CACNA2D3: variants seen among roughly 807,000 people sequenced by gnomAD.
CACNA2D3 encodes the protein calcium voltage-gated channel auxiliary subunit alpha2delta 3, also known as voltage-dependent calcium channel subunit alpha-2/delta-3.
In CACNA2D3, 60 loss-of-function variants were observed where a neutral mutation model predicts 160.6. That is an observed-to-expected ratio of 0.37 (90% confidence interval 0.30 to 0.46). The LOEUF (loss-of-function observed/expected upper bound fraction) is 0.46, where lower values mean the gene tolerates loss of function less well. Ranked by LOEUF, CACNA2D3 falls within the 20% of genes least tolerant of loss-of-function variation. The probability of loss-of-function intolerance (pLI) is 1.00; values close to 1 mark genes in which losing one functional copy is unlikely to be tolerated. For missense variants in CACNA2D3, 1,205 were observed against 1,365.0 expected (o/e 0.88, Z 1.85); for synonymous variants, 558 against 492.9 (o/e 1.13, Z -1.75).
chr3:54,336,004 C>CA (rs60465412), intron 3 of CACNA2D3, among the ~76,000 whole-genome samples: 36,553 of 74,390 alleles, frequency 0.49, 9,163 homozygotes, highest in South Asian at 0.59. Context: ...GACTCCGTCT[C>CA]AAAAAAAAAA....
intron 27 of CACNA2D3, among the ~76,000 whole-genome samples, chr3:54,909,066 C>T (rs982972490): frequency 6.6e-6 from 1 of 152,038 alleles, no homozygotes; most frequent in Non-Finnish European, 1.5e-5. Context: ...AAGTGGATGC[C>T]GAAGACAGAG....
At chr3:54,143,884 A>G (rs1699979385) in intron 2 of CACNA2D3, among the ~76,000 whole-genome samples, 1 of 152,200 alleles carries the variant, frequency 6.6e-6, no homozygotes, top group African/African-American at 2.4e-5. Flanking sequence ...TATGTACTTT[A>G]CATAAATGAG....
At chr3:54,253,413 C>T (rs147467648) in intron 2 of CACNA2D3, among the ~76,000 whole-genome samples, 2 of 152,192 alleles carry the variant, frequency 1.3e-5, no homozygotes, top group African/African-American at 4.8e-5. Flanking sequence ...GCAGGCAGGT[C>T]ACATGGCTGG....
At chr3:54,675,246 A>C (rs1435038187) in intron 11 of CACNA2D3, among the ~76,000 whole-genome samples, 1 of 152,168 alleles carries the variant, frequency 6.6e-6, no homozygotes, top group Admixed American at 6.5e-5. Flanking sequence ...AAGGACAGAC[A>C]GACTTGGACA....
chr3:55,039,488 T>C (rs1703912731), intron 35 of CACNA2D3, among the ~76,000 whole-genome samples: 1 of 152,230 alleles, frequency 6.6e-6, no homozygotes, highest in Non-Finnish European at 1.5e-5. Context: ...TGTGTACCCA[T>C]ATGCAGCTTC....
intron 2 of CACNA2D3, among the ~76,000 whole-genome samples, chr3:54,274,147 A>T (rs557072562): frequency 6.6e-6 from 1 of 152,288 alleles, no homozygotes; most frequent in African/African-American, 2.4e-5. Flanking sequence ...CTGTAAAGCA[A>T]TATTTACAAA....
At chr3:54,556,972 A>T (rs1702251247) in intron 5 of CACNA2D3, among the ~76,000 whole-genome samples, 4 of 151,530 alleles carry the variant, frequency 2.6e-5, no homozygotes. Context: ...GGAAAATCAT[A>T]TTTAACTGTT....
At chr3:54,792,282 TCTCA>T (rs1260070233) in intron 13 of CACNA2D3, among the ~76,000 whole-genome samples, 1 of 152,178 alleles carries the variant, frequency 6.6e-6, no homozygotes, top group East Asian at 1.9e-4. Context: ...CAGGGAGCCC[TCTCA>T]CTCAGTCCCT....
intron 31 of CACNA2D3, among the ~76,000 whole-genome samples, chr3:54,989,883 G>C (rs767370299): frequency 2.6e-5 from 4 of 152,292 alleles, no homozygotes; most frequent in Non-Finnish European, 5.9e-5. Flanking sequence ...TGGTGTTGGA[G>C]GACCACAGTC....
chr3:54,686,776 G>A (rs911373605), intron 11 of CACNA2D3, among the ~76,000 whole-genome samples: 5 of 152,036 alleles, frequency 3.3e-5, no homozygotes, highest in Non-Finnish European at 7.4e-5. Context: ...GGCAATTGCT[G>A]TGATTAAAAA....
chr3:54,405,966 C>T (rs1301125840), intron 4 of CACNA2D3, among the ~76,000 whole-genome samples: 4 of 152,148 alleles, frequency 2.6e-5, no homozygotes, highest in Non-Finnish European at 5.9e-5. Context: ...CATCACTAAT[C>T]ATCAGAGAAA....
At chr3:54,185,685 T>A (rs1041123930) in intron 2 of CACNA2D3, among the ~76,000 whole-genome samples, 13 of 152,222 alleles carry the variant, frequency 8.5e-5, no homozygotes, top group Admixed American at 2.0e-4. Flanking sequence ...ACTCTGCTGT[T>A]GTTGTGTGAA....
intron 2 of CACNA2D3, among the ~76,000 whole-genome samples, chr3:54,146,048 T>C (rs1700024535): frequency 6.6e-6 from 1 of 152,248 alleles, no homozygotes; most frequent in Admixed American, 6.5e-5. Flanking sequence ...CTAGAATTTC[T>C]ATTATGGTTG....
At chr3:54,476,383 C>G (rs1424639512) in intron 4 of CACNA2D3, among the ~76,000 whole-genome samples, 1 of 151,838 alleles carries the variant, frequency 6.6e-6, no homozygotes, top group Non-Finnish European at 1.5e-5. Context: ...GTGCAGCTGT[C>G]TCTTTGAGAT....
intron 2 of CACNA2D3, among the ~76,000 whole-genome samples, chr3:54,216,559 C>T (rs1043848357): frequency 6.6e-6 from 1 of 152,134 alleles, no homozygotes; most frequent in Non-Finnish European, 1.5e-5. Flanking sequence ...AGAGTAATAT[C>T]AACATTTTAA....
At chr3:54,269,459 C>G (rs1472563559) in intron 2 of CACNA2D3, among the ~76,000 whole-genome samples, 7 of 152,160 alleles carry the variant, frequency 4.6e-5, no homozygotes, top group Non-Finnish European at 1.0e-4. Context: ...TTACTGTGTA[C>G]TGCATACTAG....
intron 35 of CACNA2D3, 118 bp downstream of exon 35, chr3:55,018,435 C>T: frequency 4.6e-6 from 3 of 646,186 alleles, no homozygotes; most frequent in South Asian, 3.7e-5. Context: ...TGGCTGCCCT[C>T]TTGCGTAAGG....
intron 2 of CACNA2D3, among the ~76,000 whole-genome samples, chr3:54,254,245 A>G (rs1702252103): frequency 6.6e-6 from 1 of 152,034 alleles, no homozygotes; most frequent in Non-Finnish European, 1.5e-5. Flanking sequence ...GGTGAGTTTG[A>G]TCTCTGGAGG....
intron 27 of CACNA2D3, among the ~76,000 whole-genome samples, chr3:54,925,549 G>A (rs1484148573): frequency 2.0e-5 from 3 of 152,182 alleles, no homozygotes; most frequent in African/African-American, 7.2e-5. Context: ...CCGTTTGTAG[G>A]CCACAACAGA....
Sources: gnomAD v4.1 joint callset for allele counts (sites outside exome capture counted in the v4.1 genomes callset) on GRCh38, gnomAD v4.1.1 for gene constraint, MANE v1.5 for transcripts, NCBI Gene and HGNC (gene_info 2026-07-23, HGNC 2026-07-21) for gene names.